LYSET: variants seen among roughly 807,000 people sequenced by gnomAD.
The protein encoded by LYSET is GNPTAB cleavage and activity factor.
chr14:93,185,883 T>TA, the LYSET span, among the ~76,000 whole-genome samples: 2 of 151,540 alleles, frequency 1.3e-5, no homozygotes, highest in East Asian at 3.9e-4. Flanking sequence ...TTTTTTTTTT[T>TA]AATTAGACAG....
the LYSET span, chr14:93,186,299 G>A: frequency 1.2e-6 from 2 of 1,613,928 alleles, no homozygotes; most frequent in East Asian, 4.5e-5. Context: ...GTCAGCGGAT[G>A]GGATGGATTG....
At chr14:93,186,302 A>G in the LYSET span, 1 of 1,614,096 alleles carries the variant, frequency 6.2e-7, no homozygotes, top group Middle Eastern at 1.6e-4. Flanking sequence ...AGCGGATGGG[A>G]TGGATTGGAG....
At chr14:93,186,324 C>G in the LYSET span, 1 of 1,614,144 alleles carries the variant, frequency 6.2e-7, no homozygotes, top group Non-Finnish European at 8.5e-7. Context: ...GGGATTGTAT[C>G]TGTTAGCCAG....
chr14:93,186,747 C>G, the LYSET span: 4 of 1,438,560 alleles, frequency 2.8e-6, no homozygotes, highest in Non-Finnish European at 3.7e-6. Context: ...ACTGCAGTTT[C>G]TTCACAGATC....
At chr14:93,186,410 C>A in the LYSET span, 1 of 1,614,050 alleles carries the variant, frequency 6.2e-7, no homozygotes, top group East Asian at 2.2e-5. Context: ...TTCAACAGCA[C>A]CCTGAGGAGC....
chr14:93,188,315 T>C, the LYSET span, among the ~76,000 whole-genome samples: 2 of 152,230 alleles, frequency 1.3e-5, no homozygotes, highest in African/African-American at 4.8e-5. Flanking sequence ...AAAGATGCTA[T>C]CAAGTCATAA....
the LYSET span, among the ~76,000 whole-genome samples, chr14:93,188,000 C>T: frequency 9.5e-4 from 144 of 151,358 alleles, no homozygotes; most frequent in African/African-American, 3.1e-3. Flanking sequence ...GCTCTGTAGC[C>T]CAGACTGGTG....
At chr14:93,186,877 A>G in the LYSET span, 1 of 493,256 alleles carries the variant, frequency 2.0e-6, no homozygotes, top group Non-Finnish European at 3.6e-6. Flanking sequence ...AATCATGTTG[A>G]TGACTTCAGA....
the LYSET span, chr14:93,185,041 C>A: frequency 6.6e-6 from 1 of 151,526 alleles, no homozygotes; most frequent in Non-Finnish European, 1.5e-5. Flanking sequence ...AGGTGAGATC[C>A]GGGACCTCAG....
chr14:93,186,963 C>A, the LYSET span: 1 of 378,276 alleles, frequency 2.6e-6, no homozygotes, highest in Non-Finnish European at 4.9e-6. Flanking sequence ...TATTTCTATT[C>A]TACTGTGCAA....
At chr14:93,187,666 T>C in the LYSET span, among the ~76,000 whole-genome samples, 1 of 152,144 alleles carries the variant, frequency 6.6e-6, no homozygotes, top group Non-Finnish European at 1.5e-5. Flanking sequence ...GAGCCTTGCT[T>C]TGTCACCCAG....
the LYSET span, among the ~76,000 whole-genome samples, chr14:93,187,623 T>C: frequency 1.3e-5 from 2 of 152,120 alleles, no homozygotes; most frequent in Non-Finnish European, 2.9e-5. Flanking sequence ...TTATTTATTA[T>C]TTATTTAAAT....
At chr14:93,186,685 T>A in the LYSET span, 5 of 1,572,176 alleles carry the variant, frequency 3.2e-6, no homozygotes, top group South Asian at 5.9e-5. Flanking sequence ...CAGTCACCGT[T>A]TTTTCCCTAC....
chr14:93,185,996 G>A, the LYSET span, among the ~76,000 whole-genome samples: 7 of 151,680 alleles, frequency 4.6e-5, no homozygotes. Context: ...AGCCTCCCGA[G>A]TAGCTGGGAC....
chr14:93,186,457 C>T, the LYSET span: 5 of 1,614,098 alleles, frequency 3.1e-6, no homozygotes, highest in African/African-American at 5.3e-5. Context: ...TCCTTGAAAG[C>T]TCAATTACTC....
chr14:93,188,058 A>G, the LYSET span, among the ~76,000 whole-genome samples: 1 of 151,716 alleles, frequency 6.6e-6, no homozygotes, highest in East Asian at 1.9e-4. Context: ...TCCCAGGTTC[A>G]TGCTATTCTC....
chr14:93,186,725 T>C, the LYSET span: 1 of 1,518,796 alleles, frequency 6.6e-7, no homozygotes, highest in East Asian at 2.3e-5. Context: ...CTATATGGAG[T>C]CTGATCACAA....
At chr14:93,184,998 G>T in the LYSET span, 1 of 159,064 alleles carries the variant, frequency 6.3e-6, no homozygotes, top group Non-Finnish European at 1.5e-5. The surrounding 1 kb of genome is among the most constrained non-coding windows in gnomAD (Gnocchi z 4.2). Flanking sequence ...CGGCATCCGG[G>T]ACGGCGGGCG....
chr14:93,185,254 C>G, the LYSET span: 1 of 581,048 alleles, frequency 1.7e-6, no homozygotes. Flanking sequence ...CAGAGCGGGT[C>G]TCCGGCGGCG....
Sources: gnomAD v4.1 joint callset for allele counts (sites outside exome capture counted in the v4.1 genomes callset) on GRCh38, gnomAD v4.1.1 for gene constraint, Gnocchi (gnomAD v3.1) non-coding constraint, MANE v1.5 for transcripts, NCBI Gene and HGNC (gene_info 2026-07-23, HGNC 2026-07-21) for gene names.